RGS7: variants seen among roughly 807,000 people sequenced by gnomAD.
RGS7 encodes the protein regulator of G-protein signaling 7.
RGS7 carries 27 observed loss-of-function variants against 81.1 expected under a neutral mutation model. The ratio of observed to expected loss-of-function variants is 0.33; its 90% CI spans 0.25 to 0.46. The LOEUF (loss-of-function observed/expected upper bound fraction) is 0.46, where lower values mean the gene tolerates loss of function less well. Among genes scored for constraint, RGS7 ranks in the 20% least tolerant of loss-of-function variants. RGS7 has a pLI of 1.00. For missense variants in RGS7, 396 were observed against 607.4 expected (o/e 0.65, Z 3.66); for synonymous variants, 208 against 207.7 (o/e 1.00, Z -0.01).
rs1475820224 is a variant in RGS7, at chr1:241,156,169, G to GATAGATAGATACATACATAC, written c.79-57408_79-57407insGTATGTATGTATCTATCTAT. Among the ~76,000 whole-genome samples the GATAGATAGATACATACATAC allele has an allele frequency of 5.1e-4, 73 of 142,856 alleles. 1 individual carries two copies. The highest frequency in any genetic ancestry group is 1.8e-3 in the African/African-American group (71 of 39,974). The allele number at this position is 142,856 out of a possible 152,430, so 93.7% of individuals were successfully genotyped here. On this transcript the variant is annotated intron_variant, in intron 2 of 18. Transcript: ENST00000440928. ...AGATAGATAGATAGATAGATAGATA[G>GATAGATAGATACATACATAC]ATACATATACATAGACAGACAGACA...
chr1:241,161,121 T>C (rs2069623502), intron 2 of RGS7, among the ~76,000 whole-genome samples: 2 of 152,148 alleles, frequency 1.3e-5, no homozygotes, highest in Admixed American at 6.5e-5. Flanking sequence ...AGTTTTAAAA[T>C]AGAAATTACA....
chr1:240,837,659 C>A lies in RGS7; in HGVS notation c.610-10487G>T, dbSNP rs143546729. On this transcript the variant is annotated intron_variant, in intron 9 of 18. Transcript: ENST00000440928. ...CAGAAATTAAGACATGAAATCTAGG[C>A]TATGTCTCTGGTGACAACATAAATT... 2.5e-3 allele frequency among the ~76,000 whole-genome samples: 382 copies of A among 152,212 alleles called. 2 individuals are homozygous for A. The highest frequency in any genetic ancestry group is 8.6e-3 in the African/African-American group (355 of 41,514).
chr1:241,309,146 G>A (rs1573611054), intron 2 of RGS7, among the ~76,000 whole-genome samples: 1 of 152,084 alleles, frequency 6.6e-6, no homozygotes, highest in Admixed American at 6.5e-5. Flanking sequence ...CAGCACTTTG[G>A]GAGGCCGAGG....
chr1:240,978,462 A>C (rs1191440429), intron 4 of RGS7, among the ~76,000 whole-genome samples: 1 of 152,192 alleles, frequency 6.6e-6, no homozygotes, highest in Non-Finnish European at 1.5e-5. Flanking sequence ...AAAAAATAAG[A>C]AAATGATGAA....
intron 4 of RGS7, among the ~76,000 whole-genome samples, chr1:240,966,473 T>C (rs1682314073): frequency 6.6e-6 from 1 of 152,106 alleles, no homozygotes; most frequent in South Asian, 2.1e-4. Context: ...GTACGAATTC[T>C]TGTTATGGCC....
intron 6 of RGS7, among the ~76,000 whole-genome samples, chr1:240,914,767 T>C (rs1672321158): frequency 6.6e-6 from 1 of 151,318 alleles, no homozygotes; most frequent in Admixed American, 6.6e-5. Flanking sequence ...AAAAAAAAGC[T>C]GAAGAAGTAA....
At chr1:241,322,103 G>A (rs2081247089) in intron 2 of RGS7, among the ~76,000 whole-genome samples, 1 of 152,118 alleles carries the variant, frequency 6.6e-6, no homozygotes, top group African/African-American at 2.4e-5. Flanking sequence ...CCTCTCTGAA[G>A]CCTGTCTAGA....
chr1:240,791,468 T>C (rs1685994469), intron 18 of RGS7, among the ~76,000 whole-genome samples: 1 of 152,250 alleles, frequency 6.6e-6, no homozygotes, highest in Admixed American at 6.5e-5. Flanking sequence ...AGATGTCTAA[T>C]GTATTGCTAT....
At chr1:241,333,860 C>G (rs1029840913) in intron 2 of RGS7, among the ~76,000 whole-genome samples, 1 of 151,060 alleles carries the variant, frequency 6.6e-6, no homozygotes, top group African/African-American at 2.5e-5. Context: ...GTTGTCTCTT[C>G]TTAACAGAAA....
chr1:241,320,262 G>T (rs757692584), intron 2 of RGS7, among the ~76,000 whole-genome samples: 1 of 152,124 alleles, frequency 6.6e-6, no homozygotes, highest in Non-Finnish European at 1.5e-5. Flanking sequence ...TGTTCCTCAT[G>T]TAACTATGAG....
chr1:240,991,037 A>G (rs1312320997), intron 3 of RGS7, among the ~76,000 whole-genome samples: 1 of 152,214 alleles, frequency 6.6e-6, no homozygotes, highest in Admixed American at 6.5e-5. Flanking sequence ...AATCAACAGG[A>G]TAGAAGCCCG....
intron 4 of RGS7, among the ~76,000 whole-genome samples, chr1:240,961,208 A>T (rs958014457): frequency 1.3e-5 from 2 of 152,246 alleles, no homozygotes; most frequent in African/African-American, 4.8e-5. Flanking sequence ...CATCAAAAAA[A>T]TTAAAATATC....
At chr1:240,978,979 A>C (rs1189056775) in intron 4 of RGS7, among the ~76,000 whole-genome samples, 1 of 152,198 alleles carries the variant, frequency 6.6e-6, no homozygotes, top group East Asian at 1.9e-4. Flanking sequence ...TAAATCAGTC[A>C]CCAAATTTGT....
chr1:241,159,183 A>G (rs563991228), intron 2 of RGS7, among the ~76,000 whole-genome samples: 1 of 152,280 alleles, frequency 6.6e-6, no homozygotes, highest in South Asian at 2.1e-4. Context: ...AGAAGTTACA[A>G]TGCTTCCTTT....
intron 18 of RGS7, among the ~76,000 whole-genome samples, chr1:240,785,628 G>C (rs568682353): frequency 6.6e-6 from 1 of 152,240 alleles, no homozygotes. Context: ...CAAGGTCTTG[G>C]GAAAATTAAC....
intron 15 of RGS7, 84 bp from the exon 16 acceptor site, chr1:240,803,077 C>A: frequency 1.1e-6 from 1 of 924,294 alleles, no homozygotes; most frequent in Non-Finnish European, 1.8e-6. Flanking sequence ...GGCTAAAGAA[C>A]AAATCTAGTA....
intron 3 of RGS7, among the ~76,000 whole-genome samples, chr1:241,091,296 C>G (rs926577474): frequency 6.6e-6 from 1 of 152,132 alleles, no homozygotes; most frequent in Non-Finnish European, 1.5e-5. Flanking sequence ...CGCCTGTAAT[C>G]TTAACACTTT....
intron 2 of RGS7, among the ~76,000 whole-genome samples, chr1:241,273,912 TTG>T (rs10586986): frequency 0.3 from 45,520 of 151,934 alleles, 7,189 homozygotes; most frequent in African/African-American, 0.4. Context: ...ATGCAGACTT[TTG>T]TGTCTGGAGC....
intron 2 of RGS7, among the ~76,000 whole-genome samples, chr1:241,345,782 C>G (rs2082858689): frequency 6.6e-6 from 1 of 152,106 alleles, no homozygotes; most frequent in African/African-American, 2.4e-5. Flanking sequence ...CTTTGGGAGG[C>G]CGAGGTGGGT....
Sources: allele counts gnomAD v4.1 joint callset (sites outside exome capture counted in the v4.1 genomes callset), GRCh38; gene constraint gnomAD v4.1.1; transcripts MANE v1.5; gene names NCBI Gene and HGNC (gene_info 2026-07-23, HGNC 2026-07-21).